The following SLCO5A1 variants were observed in gnomAD, a reference collection of about 807,000 sequenced individuals.
The protein encoded by SLCO5A1 is organic anion transporter polypeptide-related protein 4.
In SLCO5A1, 39 loss-of-function variants were observed where a neutral mutation model predicts 65.1. The ratio of observed to expected loss-of-function variants is 0.60; its 90% CI spans 0.46 to 0.78. SLCO5A1 has a LOEUF of 0.78. Among genes scored for constraint, SLCO5A1 ranks in the 30% least tolerant of loss-of-function variants. The pLI is 0.00. For synonymous variants in SLCO5A1, 438 were observed against 415.7 expected (o/e 1.05, Z -0.65); for missense variants, 1,029 against 1,069.4 (o/e 0.96, Z 0.53).
At chr8:69,822,139 A>T (rs1820671193) in intron 2 of SLCO5A1, among the ~76,000 whole-genome samples, 1 of 152,138 alleles carries the variant, frequency 6.6e-6, no homozygotes, top group Non-Finnish European at 1.5e-5. Context: ...AATAAAATAA[A>T]ATAGAAAATA....
intron 3 of SLCO5A1, among the ~76,000 whole-genome samples, chr8:69,761,022 T>C (rs1301266960): frequency 6.6e-6 from 1 of 152,036 alleles, no homozygotes; most frequent in Non-Finnish European, 1.5e-5. Context: ...AATAAGAAAG[T>C]GAAAACAATG....
rs563434702 is a variant in SLCO5A1 at position 69,753,318 on chromosome 8, G to A, written c.1258+2106C>T. 3.3e-5 allele frequency among the ~76,000 whole-genome samples: 5 copies of A among 152,266 alleles called. No homozygotes were observed. The South Asian group carries it at 1.0e-3, about 32-fold the overall frequency. On this transcript the variant is annotated intron_variant, in intron 4 of 9. Transcript: ENST00000260126. ...CAGTCATCTGGTTAAGACTTCTCTG[G>A]GGCATGGGAGGCCAGGGGGTTCATT...
intron 2 of SLCO5A1, among the ~76,000 whole-genome samples, chr8:69,788,487 G>A (rs2380568): frequency 0.028 from 4,297 of 152,038 alleles, 116 homozygotes; most frequent in Middle Eastern, 0.071. Flanking sequence ...ATTTGGATTC[G>A]GTCTTATCCA....
intron 2 of SLCO5A1, among the ~76,000 whole-genome samples, chr8:69,810,426 G>A (rs938974336): frequency 2.6e-5 from 4 of 152,162 alleles, no homozygotes; most frequent in Non-Finnish European, 5.9e-5. Flanking sequence ...TGGACAGAAA[G>A]GAAGCTGGAG....
Position 69,736,545 on chromosome 8 carries a change from T to C in SLCO5A1, c.1423+1495A>G, listed in dbSNP as rs116024235. ...GGGCACACAGTATGGCTTCCCTATG[T>C]GTATCCTGGGGAACACTGTTTATGA... is the stretch of plus-strand genomic sequence containing the variant. On this transcript the variant is annotated intron_variant, in intron 5 of 9. Coordinates refer to ENST00000260126, the MANE Select transcript of SLCO5A1 (RefSeq NM_030958.3). Among the ~76,000 whole-genome samples the C allele has an allele frequency of 9.1e-3, 1,385 of 152,290 alleles. 18 individuals are homozygous for C. Among genetic ancestry groups the C allele is most frequent in the African/African-American group, 0.032 (1,326 of 41,558 alleles).
chr8:69,815,291 C>T (rs1460324008), intron 2 of SLCO5A1, among the ~76,000 whole-genome samples: 2 of 152,106 alleles, frequency 1.3e-5, no homozygotes, highest in Admixed American at 6.5e-5. Context: ...TATCAAATTA[C>T]AATTTTAAAA....
intron 4 of SLCO5A1, among the ~76,000 whole-genome samples, chr8:69,738,774 G>A (rs1173762174): frequency 6.6e-6 from 1 of 152,154 alleles, no homozygotes; most frequent in Non-Finnish European, 1.5e-5. Flanking sequence ...TGAGGTGCTT[G>A]AATTGGGGAA....
intron 2 of SLCO5A1, among the ~76,000 whole-genome samples, chr8:69,779,007 T>C (rs1464139812): frequency 6.6e-6 from 1 of 152,192 alleles, no homozygotes; most frequent in African/African-American, 2.4e-5. Context: ...AAAACAGCTA[T>C]ATGGATTCAT....
chr8:69,814,362 ACTTG>A (rs1820321348), intron 2 of SLCO5A1, among the ~76,000 whole-genome samples: 1 of 152,208 alleles, frequency 6.6e-6, no homozygotes, highest in African/African-American at 2.4e-5. Context: ...TAGGCAAGGG[ACTTG>A]AATAGACATT....
At chr8:69,694,469 C>A (rs531107360) in intron 6 of SLCO5A1, among the ~76,000 whole-genome samples, 1 of 152,306 alleles carries the variant, frequency 6.6e-6, no homozygotes, top group African/African-American at 2.4e-5. Flanking sequence ...AAAAAAGCCA[C>A]ATGCAAGTCT....
chr8:69,751,126 G>T (rs996162062), intron 4 of SLCO5A1, among the ~76,000 whole-genome samples: 5 of 152,148 alleles, frequency 3.3e-5, no homozygotes, highest in Non-Finnish European at 7.3e-5. Flanking sequence ...AAGCTTCAAA[G>T]ATTAAAAAGT....
chr8:69,723,294 G>A lies in SLCO5A1; in HGVS notation c.1423+14746C>T, dbSNP rs187336806. The stretch of plus-strand genomic sequence containing the variant: ...TTAGACAAGGTCTCACTCTGTCACC[G>A]AGGCTGGAGTGCAGTGGTGCGATCT... On this transcript the variant is annotated intron_variant, in intron 5 of 9. Coordinates refer to ENST00000260126, the MANE Select transcript of SLCO5A1 (RefSeq NM_030958.3). Among the ~76,000 whole-genome samples the A allele has an allele frequency of 6.1e-4, 93 of 151,858 alleles. 1 individual carries two copies. Among genetic ancestry groups the A allele is most frequent in the African/African-American group, 2.1e-3 (89 of 41,426 alleles).
intron 2 of SLCO5A1, among the ~76,000 whole-genome samples, chr8:69,813,633 G>A (rs1324398486): frequency 6.6e-6 from 1 of 152,184 alleles, no homozygotes; most frequent in African/African-American, 2.4e-5. Context: ...TCAAGCCGCC[G>A]GGAGGTGGAG....
At chr8:69,714,145 G>C (rs1815404017) in intron 5 of SLCO5A1, among the ~76,000 whole-genome samples, 1 of 152,140 alleles carries the variant, frequency 6.6e-6, no homozygotes, top group African/African-American at 2.4e-5. Flanking sequence ...TCTTACTGTT[G>C]TAAAAAATTT....
At chr8:69,704,998 G>A in intron 6 of SLCO5A1, 33 bp downstream of exon 6, 1 of 1,591,314 alleles carries the variant, frequency 6.3e-7, no homozygotes. Context: ...CCTCCATCGT[G>A]CAGACACGAC....
At chr8:69,777,030 T>G (rs183776383) in intron 2 of SLCO5A1, among the ~76,000 whole-genome samples, 4 of 152,314 alleles carry the variant, frequency 2.6e-5, no homozygotes, top group Admixed American at 2.6e-4. Flanking sequence ...AACATATACA[T>G]ATCACTTGAT....
At chr8:69,824,060 G>T (rs1820764233) in intron 2 of SLCO5A1, among the ~76,000 whole-genome samples, 1 of 152,248 alleles carries the variant, frequency 6.6e-6, no homozygotes, top group African/African-American at 2.4e-5. Context: ...CAGAAATAAA[G>T]ATGTTCTTTG....
chr8:69,736,983 A>G (rs1005777780), intron 5 of SLCO5A1, among the ~76,000 whole-genome samples: 2 of 152,226 alleles, frequency 1.3e-5, no homozygotes, highest in African/African-American at 4.8e-5. Context: ...ATTTTACCTT[A>G]ATATAGGAAA....
chr8:69,771,558 A>G (rs1300009814), intron 2 of SLCO5A1, among the ~76,000 whole-genome samples: 4 of 152,138 alleles, frequency 2.6e-5, no homozygotes, highest in African/African-American at 7.2e-5. Flanking sequence ...TAGTCTTCTT[A>G]CATGATCTTG....
Sources: allele counts gnomAD v4.1 joint callset (sites outside exome capture counted in the v4.1 genomes callset), GRCh38; gene constraint gnomAD v4.1.1; transcripts MANE v1.5; gene names NCBI Gene and HGNC (gene_info 2026-07-23, HGNC 2026-07-21).